Variants in FGF12 observed in about 807,000 individuals in gnomAD.
The protein encoded by FGF12 is fibroblast growth factor 12B.
FGF12 carries 14 observed loss-of-function variants against 23.6 expected under a neutral mutation model. The ratio of observed to expected loss-of-function variants is 0.59; its 90% CI spans 0.39 to 0.93. The LOEUF is 0.93. Among genes scored for constraint, FGF12 ranks in the 40% least tolerant of loss-of-function variants. The pLI, the probability that FGF12 is intolerant of heterozygous loss-of-function variation, is 0.00. For synonymous variants in FGF12, 62 were observed against 77.3 expected, an observed-to-expected ratio of 0.80 and a Z score of 1.04; for missense variants, 175 against 217.8, an observed-to-expected ratio of 0.80 and a Z score of 1.24.
At chr3:192,221,669 G>C (rs1457649317) in intron 4 of FGF12, among the ~76,000 whole-genome samples, 1 of 152,024 alleles carries the variant, frequency 6.6e-6, no homozygotes, top group African/African-American at 2.4e-5. Context: ...CAATATGCAT[G>C]GGTAATATAA....
At chr3:192,457,920 G>A (rs1459990688) in intron 2 of FGF12, among the ~76,000 whole-genome samples, 2 of 152,196 alleles carry the variant, frequency 1.3e-5, no homozygotes, top group African/African-American at 4.8e-5. Context: ...TCCCTGTGCT[G>A]TGTGCAGCTA....
At chr3:192,517,167 C>T (rs1295397006) in intron 2 of FGF12, among the ~76,000 whole-genome samples, 1 of 152,218 alleles carries the variant, frequency 6.6e-6, no homozygotes, top group Non-Finnish European at 1.5e-5. Flanking sequence ...GATTTTAAAA[C>T]ACATATGACC....
chr3:192,374,560 A>C (rs747161159), intron 2 of FGF12, among the ~76,000 whole-genome samples: 4 of 152,206 alleles, frequency 2.6e-5, no homozygotes, highest in Non-Finnish European at 5.9e-5. Flanking sequence ...GAAATATTTC[A>C]AACATGCAGA....
At chr3:192,690,772 A>T (rs1717919356) in intron 2 of FGF12, among the ~76,000 whole-genome samples, 1 of 151,994 alleles carries the variant, frequency 6.6e-6, no homozygotes, top group Non-Finnish European at 1.5e-5. Flanking sequence ...TAAATTATTT[A>T]AAAAAGACAA....
At chr3:192,428,791 T>C (rs1043662422) in intron 2 of FGF12, among the ~76,000 whole-genome samples, 3 of 152,198 alleles carry the variant, frequency 2.0e-5, no homozygotes, top group African/African-American at 7.2e-5. Flanking sequence ...TAGCTTTAGA[T>C]GAAGGATATG....
chr3:192,363,411 G>A (rs1053675611), intron 2 of FGF12, among the ~76,000 whole-genome samples: 1 of 152,074 alleles, frequency 6.6e-6, no homozygotes, highest in Non-Finnish European at 1.5e-5. Context: ...GGGAATTCGG[G>A]TTGGTAACTC....
Position 192,243,283 on chromosome 3 carries a change from A to T in FGF12, c.229-72627T>A, listed in dbSNP as rs1719715021. ...TAGGATGATCATGAAAACGAAGAGC[A>T]ATTTGGTGTGGGATGTGGAGATTAA... On this transcript the variant is annotated intron_variant, in intron 4 of 5. Transcript: ENST00000445105. Among the ~76,000 whole-genome samples, 5 of 152,044 alleles carry T rather than the reference A, an allele frequency of 3.3e-5. No homozygotes were observed. The South Asian group carries it at 1.0e-3, about 32-fold the overall frequency.
intron 2 of FGF12, among the ~76,000 whole-genome samples, chr3:192,696,886 T>C (rs1718142199): frequency 6.6e-6 from 1 of 151,924 alleles, no homozygotes; most frequent in African/African-American, 2.4e-5. Context: ...AGGTAAGGGA[T>C]AGGGAAAAGC....
intron 4 of FGF12, among the ~76,000 whole-genome samples, chr3:192,286,789 A>C (rs1714471274): frequency 1.3e-5 from 2 of 152,040 alleles, no homozygotes; most frequent in Non-Finnish European, 2.9e-5. Context: ...ATCAAATAAC[A>C]CAACAGTTCC....
intron 4 of FGF12, among the ~76,000 whole-genome samples, chr3:192,293,000 G>A (rs1434223141): frequency 1.3e-5 from 2 of 151,868 alleles, no homozygotes; most frequent in Non-Finnish European, 1.5e-5. Context: ...GGCTGATCTC[G>A]AACTCCTGGC....
chr3:192,433,124 C>A (rs995422609), intron 2 of FGF12, among the ~76,000 whole-genome samples: 2 of 152,148 alleles, frequency 1.3e-5, no homozygotes, highest in African/African-American at 4.8e-5. Context: ...ATTGATTCAT[C>A]ATTTTTAGAT....
intron 4 of FGF12, among the ~76,000 whole-genome samples, chr3:192,174,014 C>T (rs1008490179): frequency 6.6e-6 from 1 of 152,190 alleles, no homozygotes; most frequent in African/African-American, 2.4e-5. Context: ...CAACGGGCTC[C>T]TCGCTGCTGG....
chr3:192,397,151 C>A (rs1720558775), intron 2 of FGF12, among the ~76,000 whole-genome samples: 1 of 152,164 alleles, frequency 6.6e-6, no homozygotes, highest in Non-Finnish European at 1.5e-5. Flanking sequence ...TTTCTCATGA[C>A]CTGTAGGTGG....
At chr3:192,402,324 A>T (rs1379880373) in intron 2 of FGF12, among the ~76,000 whole-genome samples, 1 of 152,234 alleles carries the variant, frequency 6.6e-6, no homozygotes, top group Non-Finnish European at 1.5e-5. Flanking sequence ...AGGCAGGAAC[A>T]TCCGAGCCAG....
At chr3:192,574,949 G>A (rs1423092401) in intron 2 of FGF12, among the ~76,000 whole-genome samples, 1 of 152,190 alleles carries the variant, frequency 6.6e-6, no homozygotes, top group Admixed American at 6.5e-5. Context: ...AAGCCACTGA[G>A]TTTTGGGATA....
rs142548765 is a variant in FGF12, at chr3:192,335,724, G to T, written c.125-260C>A. On this transcript the variant is annotated intron_variant, in intron 3 of 5. Transcript: ENST00000445105. ...TAGAAGGTCTCTAAAGGCCCAGCTG[G>T]ATCTGAGATTTCAGGATCCCTGATC... Among the ~76,000 whole-genome samples the T allele has an allele frequency of 2.6e-3, 394 of 152,112 alleles. 2 individuals carry two copies. Among genetic ancestry groups the T allele is most frequent in the African/African-American group, 9.2e-3 (383 of 41,520 alleles).
chr3:192,362,999 A>C (rs1438415975), intron 2 of FGF12, among the ~76,000 whole-genome samples: 1 of 151,740 alleles, frequency 6.6e-6, no homozygotes, highest in Non-Finnish European at 1.5e-5. Flanking sequence ...CACTTTAAGA[A>C]GTCACCACAT....
rs1717190499 is a variant in FGF12 at position 192,332,774 on chromosome 3, T to C, written c.228+2587A>G. On this transcript the variant is annotated intron_variant, in intron 4 of 5. Transcript: ENST00000445105. ...CTCTTAGTTTGCTTCAGCACTCTCC[T>C]CTCTCTCCATAAACTGCAGTTATGA... Among the ~76,000 whole-genome samples, 3 of 152,218 alleles carry C rather than the reference T, an allele frequency of 2.0e-5. No homozygotes were observed. The South Asian group carries it at 6.2e-4, about 32-fold the overall frequency.
intron 3 of FGF12, among the ~76,000 whole-genome samples, chr3:192,357,171 T>TA (rs1256270844): frequency 6.6e-6 from 1 of 152,118 alleles, no homozygotes; most frequent in Admixed American, 6.5e-5. Context: ...TCTGAAGTCT[T>TA]AAATGATTTT....
Sources: allele counts gnomAD v4.1 joint callset (sites outside exome capture counted in the v4.1 genomes callset), GRCh38; gene constraint gnomAD v4.1.1; transcripts MANE v1.5; gene names NCBI Gene and HGNC (gene_info 2026-07-23, HGNC 2026-07-21).